CPA6: variants seen among roughly 807,000 people sequenced by gnomAD.
CPA6 encodes the protein carboxypeptidase A6.
CPA6 carries 58 observed loss-of-function variants against 63.3 expected under a neutral mutation model. That is an observed-to-expected ratio of 0.92 (90% CI 0.74 to 1.14). The LOEUF (loss-of-function observed/expected upper bound fraction) is 1.14, where lower values mean the gene tolerates loss of function less well. Ranked by LOEUF, CPA6 falls within the 50% of genes most tolerant of loss-of-function variation. The probability of loss-of-function intolerance (pLI) is 0.00; values close to 1 mark genes in which losing one functional copy is unlikely to be tolerated. For synonymous variants in CPA6, 185 were observed against 179.0 expected, an observed-to-expected ratio of 1.03 and a Z score of -0.27; for missense variants, 565 against 526.6, an observed-to-expected ratio of 1.07 and a Z score of -0.71.
chr8:67,483,380 C>A, intron 8 of CPA6: 1 of 265,608 alleles, frequency 3.8e-6, no homozygotes, highest in Non-Finnish European at 7.4e-6. Context: ...CAGCTCTGAC[C>A]ACGACAGACA....
intron 8 of CPA6, among the ~76,000 whole-genome samples, chr8:67,450,773 T>G (rs143442088): frequency 5.3e-5 from 8 of 152,330 alleles, no homozygotes; most frequent in Admixed American, 3.3e-4. Flanking sequence ...CCTCGCTAGA[T>G]CCAACCAACA....
chr8:67,731,446 G>T (rs1167430493), intron 1 of CPA6, among the ~76,000 whole-genome samples: 1 of 152,200 alleles, frequency 6.6e-6, no homozygotes, highest in Non-Finnish European at 1.5e-5. Flanking sequence ...CTTTCTCACA[G>T]GGACCAACTG....
At chr8:67,730,012 A>G (rs1215775716) in intron 1 of CPA6, among the ~76,000 whole-genome samples, 1 of 152,214 alleles carries the variant, frequency 6.6e-6, no homozygotes, top group Admixed American at 6.5e-5. Flanking sequence ...CATTTCTGCT[A>G]GCAGATGTAG....
intron 1 of CPA6, among the ~76,000 whole-genome samples, chr8:67,744,882 C>T (rs1367349475): frequency 6.6e-6 from 1 of 152,198 alleles, no homozygotes; most frequent in Non-Finnish European, 1.5e-5. Context: ...CCAACACCTC[C>T]ATCTCATCCT....
chr8:67,649,328 TAA>T (rs914845009), intron 1 of CPA6, among the ~76,000 whole-genome samples: 3 of 152,204 alleles, frequency 2.0e-5, no homozygotes, highest in African/African-American at 4.8e-5. Context: ...CTGACTGAAC[TAA>T]AGAGTCTGCA....
At chr8:67,639,019 T>C (rs1469663541) in intron 1 of CPA6, among the ~76,000 whole-genome samples, 9 of 151,396 alleles carry the variant, frequency 5.9e-5, no homozygotes, top group Non-Finnish European at 1.0e-4. Context: ...GAGCTTACTA[T>C]CAAAAATTAT....
intron 2 of CPA6, among the ~76,000 whole-genome samples, chr8:67,585,961 T>C (rs573407326): frequency 1.9e-3 from 233 of 123,332 alleles, no homozygotes; most frequent in African/African-American, 7.7e-3. Flanking sequence ...ATCTATGGGC[T>C]CACTCATAGT....
chr8:67,645,804 A>G (rs1397578337), intron 1 of CPA6, among the ~76,000 whole-genome samples: 3 of 152,220 alleles, frequency 2.0e-5, no homozygotes, highest in Non-Finnish European at 4.4e-5. Flanking sequence ...TAAGGGATAC[A>G]TTATTTTCCA....
At chr8:67,733,204 AAAAAAAAAAAAAAAAAAAAAT>A (rs1213574779) in intron 1 of CPA6, among the ~76,000 whole-genome samples, 2 of 127,408 alleles carry the variant, frequency 1.6e-5, no homozygotes, top group South Asian at 2.5e-4. Context: ...CTCAAAAAAA[AAAAAAAAAAAAAAAAAAAAAT>A]AAAAAAATTT....
chr8:67,445,234 T>C (rs946115329), intron 8 of CPA6, among the ~76,000 whole-genome samples: 4 of 151,228 alleles, frequency 2.6e-5, no homozygotes, highest in African/African-American at 9.8e-5. Flanking sequence ...GATTTTTTTT[T>C]GGGAGGACAA....
intron 2 of CPA6, among the ~76,000 whole-genome samples, chr8:67,566,828 G>C (rs1464014559): frequency 1.3e-5 from 2 of 152,132 alleles, no homozygotes; most frequent in Non-Finnish European, 2.9e-5. Flanking sequence ...ACCTCTTCAG[G>C]ATGCTTAATA....
Position 67,475,723 on chromosome 8 carries a change from TTCTC to T in CPA6, c.838+8041_838+8044del, listed in dbSNP as rs201526308. On this transcript the variant is annotated intron_variant, in intron 8 of 10. Coordinates refer to ENST00000297770, the MANE Select transcript of CPA6 (RefSeq NM_020361.5). ...CTTTCCTTTCCTTCCCTTCCTTCCC[TTCTC>T]TTTTTTTCTTTCTTTCCTTCTTTCT... Among the ~76,000 whole-genome samples the T allele has an allele frequency of 1.7e-3, 262 of 151,812 alleles. 4 individuals carry two copies. The highest frequency in any genetic ancestry group is 6.0e-3 in the African/African-American group (249 of 41,240).
chr8:67,574,696 T>C (rs767859824), intron 2 of CPA6, among the ~76,000 whole-genome samples: 1 of 152,112 alleles, frequency 6.6e-6, no homozygotes, highest in African/African-American at 2.4e-5. Flanking sequence ...TGCAAAAGAA[T>C]AAATTTGGAC....
At chr8:67,518,538 T>C (rs1469296000) in intron 2 of CPA6, among the ~76,000 whole-genome samples, 1 of 149,776 alleles carries the variant, frequency 6.7e-6, no homozygotes, top group South Asian at 2.1e-4. Flanking sequence ...ACAGAGTCTT[T>C]CTCTGTCACA....
At chr8:67,684,859 C>T (rs1816678544) in intron 1 of CPA6, among the ~76,000 whole-genome samples, 1 of 152,168 alleles carries the variant, frequency 6.6e-6, no homozygotes, top group African/African-American at 2.4e-5. Flanking sequence ...GGTCTGACCA[C>T]CCGGGCCTGT....
chr8:67,510,245 C>G (rs1407792171), intron 4 of CPA6, among the ~76,000 whole-genome samples: 1 of 152,130 alleles, frequency 6.6e-6, no homozygotes, highest in East Asian at 1.9e-4. Flanking sequence ...GTACTTCATT[C>G]CTGACTTAAA....
chr8:67,565,460 A>G (rs1472189270), intron 2 of CPA6, among the ~76,000 whole-genome samples: 1 of 152,158 alleles, frequency 6.6e-6, no homozygotes, highest in Non-Finnish European at 1.5e-5. Context: ...CTGTTAGGCT[A>G]AGGACCTCTC....
intron 1 of CPA6, among the ~76,000 whole-genome samples, chr8:67,640,642 T>C (rs879903345): frequency 5.3e-5 from 8 of 151,338 alleles, no homozygotes; most frequent in African/African-American, 2.0e-4. Flanking sequence ...CAGGGGTGCC[T>C]GGGTCTCAGC....
At chr8:67,676,540 G>T (rs1402687180) in intron 1 of CPA6, among the ~76,000 whole-genome samples, 1 of 152,186 alleles carries the variant, frequency 6.6e-6, no homozygotes, top group Non-Finnish European at 1.5e-5. Context: ...GAGGGTTACT[G>T]CATTGCCATT....
Sources: gnomAD v4.1 joint callset for allele counts (sites outside exome capture counted in the v4.1 genomes callset) on GRCh38, gnomAD v4.1.1 for gene constraint, MANE v1.5 for transcripts, NCBI Gene and HGNC (gene_info 2026-07-23, HGNC 2026-07-21) for gene names.